The following MRC1 variants were observed in gnomAD, a reference collection of about 807,000 sequenced individuals.
MRC1 encodes mannose receptor C-type 1, also known as macrophage mannose receptor 1.
Under a neutral mutation model 102.9 loss-of-function variants are expected in MRC1, and 62 were observed. The ratio of observed to expected loss-of-function variants is 0.60; its 90% confidence interval spans 0.49 to 0.74. The LOEUF (loss-of-function observed/expected upper bound fraction) is 0.74. Ranked by LOEUF, MRC1 falls within the 30% of genes least tolerant of loss-of-function variation. MRC1 has a pLI of 0.00. For missense variants in MRC1, 1,237 were observed against 862.8 expected, an observed-to-expected ratio of 1.43 and a Z score of -5.43; for synonymous variants, 457 against 298.4, an observed-to-expected ratio of 1.53 and a Z score of -5.48.
At chr10:17,887,069 G>A (rs1833607593) in intron 22 of MRC1, among the ~76,000 whole-genome samples, 3 of 152,132 alleles carry the variant, frequency 2.0e-5, no homozygotes, top group Non-Finnish European at 4.4e-5. Context: ...TGGTGATGGA[G>A]CCAGACAGCA....
chr10:17,867,902 A>G (rs1417346397), intron 12 of MRC1, among the ~76,000 whole-genome samples: 1 of 152,244 alleles, frequency 6.6e-6, no homozygotes, highest in African/African-American at 2.4e-5. Flanking sequence ...CGATGATTAT[A>G]ATGATGGGTG....
At chr10:17,831,098 A>G (rs1468795361) in intron 3 of MRC1, among the ~76,000 whole-genome samples, 2 of 147,496 alleles carry the variant, frequency 1.4e-5, no homozygotes, top group African/African-American at 2.6e-5. Flanking sequence ...GAGTTTCACC[A>G]TGTTGGTCAG....
chr10:17,866,543 C>T lies in MRC1; in HGVS notation c.1784-19C>T. The T allele has an allele frequency of 1.3e-6, 1 of 780,806 alleles. No homozygotes were observed. The highest frequency in any genetic ancestry group is 2.4e-5 in the East Asian group (1 of 41,238). The allele number at this position is 780,806 out of a possible 1,614,324, so 48.4% of individuals were successfully genotyped here. On this transcript the variant is annotated intron_variant, in intron 11 of 29. Transcript: ENST00000569591. Reference sequence around the variant, plus strand: ...GCAGGCACCTGTCAAGTGAATTCTACTTCATATATTTAATGCAGGGCGAAA... The same window carrying T: ...GCAGGCACCTGTCAAGTGAATTCTATTTCATATATTTAATGCAGGGCGAAA...
chr10:17,818,213 C>T (rs1437247747), intron 1 of MRC1, among the ~76,000 whole-genome samples: 15 of 152,260 alleles, frequency 9.9e-5, no homozygotes, highest in Admixed American at 9.8e-4. Context: ...TACCTGTAAT[C>T]ATTAATCTAT....
intron 24 of MRC1, among the ~76,000 whole-genome samples, chr10:17,900,095 C>T (rs1242339153): frequency 1.9e-5 from 2 of 103,248 alleles, no homozygotes; most frequent in Admixed American, 1.2e-4. Flanking sequence ...CGAGACTTCT[C>T]TCAAAAAAAA....
intron 17 of MRC1, among the ~76,000 whole-genome samples, chr10:17,877,266 A>G (rs1351778450): frequency 5.4e-5 from 8 of 148,094 alleles, no homozygotes; most frequent in African/African-American, 2.5e-5. Context: ...TATATACATA[A>G]AATATGTATA....
chr10:17,820,307 A>G (rs1838375774), intron 1 of MRC1, among the ~76,000 whole-genome samples: 1 of 152,032 alleles, frequency 6.6e-6, no homozygotes, highest in Admixed American at 6.6e-5. Context: ...AAAATCCAGG[A>G]AGACTCCTAG....
chr10:17,894,434 C>G lies in MRC1; in HGVS notation c.3250+122C>G, dbSNP rs1045975355. The G allele has an allele frequency of 3.2e-4, 203 of 632,806 alleles. No homozygotes were observed. The African/African-American group carries it at 3.6e-3, about 11-fold the overall frequency. 39.2% of individuals were successfully genotyped at this position (632,806 alleles called of 1,614,324 possible). ...TTTTTTTTTGAGGCAGAGTCTCGCT[C>G]TGTCGCCCAGGCTGAAGTGCAGTGG... On this transcript the variant is annotated intron_variant, in intron 23 of 29. Transcript: ENST00000569591.
At chr10:17,884,589 G>A (rs1833564066) in intron 21 of MRC1, among the ~76,000 whole-genome samples, 1 of 152,188 alleles carries the variant, frequency 6.6e-6, no homozygotes, top group South Asian at 2.1e-4. Flanking sequence ...TTCACATGGT[G>A]GCAGGAGAGA....
chr10:17,852,902 C>G, intron 7 of MRC1, 65 bp from the exon 8 acceptor site: 1 of 780,288 alleles, frequency 1.3e-6, no homozygotes, highest in Non-Finnish European at 2.4e-6. Context: ...CCTTCCGTTC[C>G]TTTTACCCCC....
intron 23 of MRC1, among the ~76,000 whole-genome samples, chr10:17,895,899 G>T (rs1833748526): frequency 6.6e-6 from 1 of 152,196 alleles, no homozygotes; most frequent in African/African-American, 2.4e-5. Flanking sequence ...AGTGAATTCT[G>T]CACTCATATT....
chr10:17,905,860 T>TA (rs1190172763), intron 26 of MRC1, among the ~76,000 whole-genome samples: 1 of 152,138 alleles, frequency 6.6e-6, no homozygotes, highest in African/African-American at 2.4e-5. Flanking sequence ...TCCTTAGCTA[T>TA]AAAATGGGGC....
chr10:17,823,701 G>A (rs1554838481), intron 2 of MRC1, among the ~76,000 whole-genome samples: 2 of 152,166 alleles, frequency 1.3e-5, no homozygotes, highest in African/African-American at 4.8e-5. Flanking sequence ...TACTTAATGG[G>A]AAGACATTCT....
At chr10:17,832,183 G>T (rs1564612369) in intron 3 of MRC1, among the ~76,000 whole-genome samples, 1 of 151,560 alleles carries the variant, frequency 6.6e-6, no homozygotes, top group East Asian at 1.9e-4. Context: ...AAACTAGAAT[G>T]TGCAGGCAAA....
chr10:17,810,630 T>C (rs1027126259), intron 1 of MRC1, among the ~76,000 whole-genome samples: 7 of 152,286 alleles, frequency 4.6e-5, no homozygotes, highest in Admixed American at 3.3e-4. Flanking sequence ...AAGAATAATA[T>C]TACCTGCCCC....
At chr10:17,895,034 C>G (rs1278775098) in intron 23 of MRC1, among the ~76,000 whole-genome samples, 2 of 152,130 alleles carry the variant, frequency 1.3e-5, no homozygotes, top group Non-Finnish European at 2.9e-5. Flanking sequence ...TTATTTTGTA[C>G]TTTTACAAAA....
In MRC1 at chr10:17,880,624, C is replaced by T. The variant is rs782105480; in HGVS notation, c.2819C>T (p.Ser940Leu). ...NATTVMPTMP[S>L]VPSGCKEGWN... is the part of the protein sequence containing the mutation. ...ACCACAGTTATGCCTACCATGCCCT[C>T]GGTCCCATCAGGGTGCAAGGAAGGT... Residue 940 changes from serine (S) to leucine (L), a missense_variant, in exon 20 of 30, where the codon TCG (serine) becomes TTG (leucine). Transcript: ENST00000569591. 25 of 780,700 alleles carry T rather than the reference C, an allele frequency of 3.2e-5. No homozygotes were observed. Among genetic ancestry groups the T allele is most frequent in the East Asian group, 1.2e-4 (5 of 41,252 alleles). 48.4% of individuals were successfully genotyped at this position (780,700 alleles called of 1,614,324 possible).
chr10:17,813,700 A>ATATATATATATATATTT (rs1401200082), intron 1 of MRC1, among the ~76,000 whole-genome samples: 1 of 125,706 alleles, frequency 8.0e-6, no homozygotes, highest in East Asian at 2.2e-4. Flanking sequence ...ATATATATAT[A>ATATATATATATATATTT]TTTTTTTTTT....
intron 14 of MRC1, among the ~76,000 whole-genome samples, chr10:17,871,638 TA>T (rs1425279822): frequency 6.6e-6 from 1 of 152,230 alleles, no homozygotes; most frequent in East Asian, 1.9e-4. Context: ...CATTGGGTTG[TA>T]AATTTAGGAA....
Sources: gnomAD v4.1 joint callset for allele counts (sites outside exome capture counted in the v4.1 genomes callset) on GRCh38, gnomAD v4.1.1 for gene constraint, MANE v1.5 for transcripts, NCBI Gene and HGNC (gene_info 2026-07-23, HGNC 2026-07-21) for gene names.